RHOBTB1: variants seen among roughly 807,000 people sequenced by gnomAD.
RHOBTB1 encodes the protein Rho related BTB domain containing 1, also known as rho-related BTB domain-containing protein 1.
A neutral mutation model predicts 71.6 loss-of-function variants in RHOBTB1; 40 were observed. The ratio of observed to expected loss-of-function variants is 0.56; its 90% CI spans 0.43 to 0.73. RHOBTB1 has a LOEUF of 0.73. Among genes scored for constraint, RHOBTB1 ranks in the 30% least tolerant of loss-of-function variants. The pLI is 0.00. For synonymous variants in RHOBTB1, 319 were observed against 334.9 expected (o/e 0.95, Z 0.52); for missense variants, 797 against 894.0 (o/e 0.89, Z 1.38).
intron 2 of RHOBTB1, among the ~76,000 whole-genome samples, chr10:60,915,496 G>A (rs2083224024): frequency 6.6e-6 from 1 of 152,132 alleles, no homozygotes; most frequent in Non-Finnish European, 1.5e-5. Flanking sequence ...TGCTACTATG[G>A]CAGCTCTGTC....
At chr10:60,952,314 C>A (rs981659337) in intron 2 of RHOBTB1, among the ~76,000 whole-genome samples, 9 of 152,162 alleles carry the variant, frequency 5.9e-5, no homozygotes, top group African/African-American at 1.9e-4. Context: ...GTGTCATAAA[C>A]AAGTATGGGA....
rs560004631 is a variant in RHOBTB1, at chr10:60,955,364, T to G, written c.-61-13510A>C. On this transcript the variant is annotated intron_variant, in intron 2 of 11. Coordinates refer to the RHOBTB1 transcript ENST00000357917. ...CCAGCAAGGGGAACCTTCTTTATGG[T>G]TTTAAAATGCCACAATTCAATTCAT... is the stretch of plus-strand genomic sequence containing the variant. Among the ~76,000 whole-genome samples, 11 of 152,170 alleles carry G rather than the reference T, an allele frequency of 7.2e-5. No individual in the cohort carries two copies. In the South Asian group the frequency reaches 2.1e-3, roughly 29 times the overall value.
chr10:60,989,674 T>C (rs1178081797), intron 1 of RHOBTB1, among the ~76,000 whole-genome samples: 1 of 152,152 alleles, frequency 6.6e-6, no homozygotes, highest in Non-Finnish European at 1.5e-5. Context: ...TTGCCCCTAC[T>C]CTGGGTAGGT....
chr10:60,997,771 A>G (rs776908879), intron 1 of RHOBTB1, among the ~76,000 whole-genome samples: 1 of 152,246 alleles, frequency 6.6e-6, no homozygotes, highest in Admixed American at 6.5e-5. Flanking sequence ...TAGGTTATAC[A>G]TACTAAGATG....
intron 4 of RHOBTB1, among the ~76,000 whole-genome samples, chr10:60,902,994 A>G (rs2082483360): frequency 6.6e-6 from 1 of 152,176 alleles, no homozygotes; most frequent in South Asian, 2.1e-4. Flanking sequence ...GAATGGGAGA[A>G]AATTAAGGAG....
chr10:60,931,695 T>A (rs771640117), intron 2 of RHOBTB1, among the ~76,000 whole-genome samples: 47 of 152,166 alleles, frequency 3.1e-4, no homozygotes, highest in Non-Finnish European at 5.9e-4. Context: ...AATTGTTTTT[T>A]CAAAACTATA....
chr10:60,895,483 C>T (rs2082119435), intron 4 of RHOBTB1, among the ~76,000 whole-genome samples: 1 of 152,218 alleles, frequency 6.6e-6, no homozygotes, highest in South Asian at 2.1e-4. Flanking sequence ...CAGCTCACCA[C>T]AACCTCTGCC....
At chr10:60,885,807 G>T (rs1035366075) in intron 7 of RHOBTB1, among the ~76,000 whole-genome samples, 2 of 152,166 alleles carry the variant, frequency 1.3e-5, no homozygotes, top group Admixed American at 1.3e-4. Context: ...AGCTGATCTT[G>T]TCTTCATGGA....
upstream of RHOBTB1, among the ~76,000 whole-genome samples, chr10:60,947,349 A>C (rs1286269506): frequency 2.0e-5 from 3 of 152,228 alleles, no homozygotes; most frequent in African/African-American, 7.2e-5. Context: ...AGGTGATTTT[A>C]AAACTTTTGA....
At chr10:60,887,694 C>A (rs957161752) in intron 6 of RHOBTB1, among the ~76,000 whole-genome samples, 9 of 152,144 alleles carry the variant, frequency 5.9e-5, no homozygotes, top group Non-Finnish European at 1.3e-4. Context: ...TGGAGGGCCA[C>A]CAAAATTGCC....
Position 61,000,931 on chromosome 10 carries a change from C to T in RHOBTB1, c.-163+468G>A, listed in dbSNP as rs529976995. On this transcript the variant is annotated intron_variant, in intron 1 of 11. Transcript: ENST00000357917. ...GGCCGGGCATGAGGAGCTGCAGATG[C>T]TGCGCCTACTTTCAGAAGACCCCAG... Among the ~76,000 whole-genome samples, 21 of 152,326 alleles carry T rather than the reference C, an allele frequency of 1.4e-4. No individual in the cohort carries two copies. In the South Asian group the frequency reaches 2.3e-3, roughly 17 times the overall value.
chr10:60,988,213 C>T (rs541542031), intron 1 of RHOBTB1, among the ~76,000 whole-genome samples: 42 of 152,154 alleles, frequency 2.8e-4, no homozygotes, highest in Admixed American at 1.6e-3. Flanking sequence ...GGATTGCAGG[C>T]GTGAGCCATC....
chr10:60,886,225 T>A lies in RHOBTB1; in HGVS notation c.1462A>T (p.Thr488Ser), dbSNP rs1444465988. The change falls in exon 7 of 11, where the codon ACA becomes TCA. Residue 488 changes from threonine to serine, a missense_variant. By Grantham distance (58) the Thr-to-Ser change is moderately conservative. This residue lies in a region of RHOBTB1 where 658 missense variants were observed against 681.5 expected (regional missense o/e 0.97). Transcript: ENST00000337910. ...CLSKGTFSDV[T>S]FKLDDGAISA... ...ATGGCTCCATCGTCCAATTTAAATGTCACGTCTGCCAAGGGATTGAGGAAA... is the reference window on the plus strand; with the variant it reads ...ATGGCTCCATCGTCCAATTTAAATGACACGTCTGCCAAGGGATTGAGGAAA... 7.4e-6 allele frequency: 12 copies of A among 1,613,224 alleles called. No individual in the cohort carries two copies. Among genetic ancestry groups the A allele is most frequent in the Non-Finnish European group, 1.0e-5 (12 of 1,179,352 alleles).
intron 2 of RHOBTB1, among the ~76,000 whole-genome samples, chr10:60,917,553 G>A (rs941679947): frequency 3.3e-5 from 5 of 152,162 alleles, no homozygotes; most frequent in African/African-American, 1.2e-4. Flanking sequence ...TCTTCTTGTG[G>A]TGTCCTCACA....
At chr10:60,883,334 A>G (rs1311406666) in intron 7 of RHOBTB1, among the ~76,000 whole-genome samples, 1 of 152,204 alleles carries the variant, frequency 6.6e-6, no homozygotes, top group African/African-American at 2.4e-5. Flanking sequence ...AACCATATAC[A>G]TGTGCATTCA....
chr10:61,000,142 C>T (rs538996748), intron 1 of RHOBTB1, among the ~76,000 whole-genome samples: 5 of 152,262 alleles, frequency 3.3e-5, no homozygotes, highest in South Asian at 4.2e-4. Flanking sequence ...TTAATCCTTA[C>T]GCTTCCGAGT....
chr10:60,938,730 AG>A (rs1350212730), intron 2 of RHOBTB1, among the ~76,000 whole-genome samples: 2 of 151,974 alleles, frequency 1.3e-5, no homozygotes, highest in Non-Finnish European at 2.9e-5. Flanking sequence ...GTTTTTTTGG[AG>A]GGGGGGTTTG....
At chr10:60,959,345 C>T (rs2085703763) in intron 2 of RHOBTB1, among the ~76,000 whole-genome samples, 1 of 152,112 alleles carries the variant, frequency 6.6e-6, no homozygotes, top group Non-Finnish European at 1.5e-5. Flanking sequence ...TAGGAGAAAG[C>T]AAAATCCAGA....
At chr10:60,911,657 G>C in intron 2 of RHOBTB1, 105 bp from the exon 3 acceptor site, 1 of 861,610 alleles carries the variant, frequency 1.2e-6, no homozygotes, top group East Asian at 2.4e-5. Flanking sequence ...CCACTTCCTT[G>C]GAGGTGCACA....
Sources: allele counts gnomAD v4.1 joint callset (sites outside exome capture counted in the v4.1 genomes callset), GRCh38; gene constraint gnomAD v4.1.1; regional missense constraint gnomAD v4.1.1; transcripts MANE v1.5; gene names NCBI Gene and HGNC (gene_info 2026-07-23, HGNC 2026-07-21).